The following PPP1R13B variants were observed in gnomAD, a reference collection of about 807,000 sequenced individuals.
PPP1R13B encodes the protein protein phosphatase 1 regulatory subunit 13B.
A neutral mutation model predicts 119.8 loss-of-function variants in PPP1R13B; 44 were observed. The ratio of observed to expected loss-of-function variants is 0.37; its 90% CI spans 0.29 to 0.47. The LOEUF (loss-of-function observed/expected upper bound fraction) is 0.47, where lower values mean the gene tolerates loss of function less well. PPP1R13B is among the 20% of genes least tolerant of loss of function. PPP1R13B has a pLI of 0.99. For synonymous variants in PPP1R13B, 542 were observed against 561.5 expected (o/e 0.97, Z 0.49); for missense variants, 1,227 against 1,413.5 (o/e 0.87, Z 2.12).
chr14:103,784,826 G>C lies in PPP1R13B; in HGVS notation c.246C>G (p.His82Gln). Residue 82 changes from histidine to glutamine, a missense_variant, in exon 3 of 17, where the codon CAC becomes CAG. By Grantham distance (24) the His-to-Gln change is conservative (BLOSUM62 0). Coordinates refer to ENST00000202556, the MANE Select transcript of PPP1R13B (RefSeq NM_015316.3). ...CACTGTTCTCAGTTGGGGAGTCCTCGTGTCGAAGGAAAAATTTCACTTCTT... is the reference window on the plus strand; with the variant it reads ...CACTGTTCTCAGTTGGGGAGTCCTCCTGTCGAAGGAAAAATTTCACTTCTT... The part of the protein sequence containing the change: ...RREEVKFFLR[H>Q]EDSPTENSEQ... The C allele has an allele frequency of 6.2e-7, 1 of 1,609,272 alleles. No homozygotes were observed. The highest frequency in any genetic ancestry group is 8.5e-7 in the Non-Finnish European group (1 of 1,176,440).
chr14:103,827,579 T>A (rs957444998), intron 1 of PPP1R13B, among the ~76,000 whole-genome samples: 9 of 150,510 alleles, frequency 6.0e-5, no homozygotes, highest in African/African-American at 2.2e-4. Flanking sequence ...ACTATAGATC[T>A]ATAGTGTGAT....
intron 2 of PPP1R13B, among the ~76,000 whole-genome samples, chr14:103,795,233 C>G (rs576846721): frequency 6.6e-6 from 1 of 152,124 alleles, no homozygotes; most frequent in Non-Finnish European, 1.5e-5. Context: ...CCACCGTGCC[C>G]GACCTGTATC....
chr14:103,770,617 T>C (rs914975331), intron 4 of PPP1R13B, among the ~76,000 whole-genome samples: 1 of 151,520 alleles, frequency 6.6e-6, no homozygotes, highest in Admixed American at 6.6e-5. Context: ...GGCAGGAAAA[T>C]GGGCTATCAA....
At chr14:103,786,997 C>G (rs1457025236) in intron 2 of PPP1R13B, among the ~76,000 whole-genome samples, 2 of 150,578 alleles carry the variant, frequency 1.3e-5, no homozygotes, top group African/African-American at 5.0e-5. Flanking sequence ...CGTGAGCCAC[C>G]ATGCCTGGCC....
At position 103,734,234 on chromosome 14, in the gene PPP1R13B, C is replaced by G. The variant is rs1187580625; in HGVS notation, c.*920G>C. 1.8e-5 allele frequency: 5 copies of G among 281,720 alleles called. No individual in the cohort carries two copies. The East Asian group carries it at 3.2e-4, about 18-fold the overall frequency. 17.5% of individuals were successfully genotyped at this position (281,720 alleles called of 1,614,324 possible). ...CCCAGCTGCTGCTCCTTGGTGGCGG[C>G]CCCTCCTGACACCAGGCGTCTGCCA... On this transcript the variant is annotated 3_prime_UTR_variant, in exon 17 of 17. Coordinates refer to ENST00000202556, the MANE Select transcript of PPP1R13B (RefSeq NM_015316.3).
chr14:103,839,815 A>G (rs778990653), intron 1 of PPP1R13B, among the ~76,000 whole-genome samples: 33 of 152,098 alleles, frequency 2.2e-4, no homozygotes, highest in African/African-American at 2.9e-4. Flanking sequence ...CTCCTACCAC[A>G]TGGCGTTTGC....
intron 2 of PPP1R13B, 53 bp from the exon 3 acceptor site, chr14:103,784,967 A>G: frequency 6.8e-7 from 1 of 1,469,930 alleles, no homozygotes; most frequent in Non-Finnish European, 9.2e-7. Flanking sequence ...ACTCCAACCA[A>G]AAGTAAATTT....
intron 1 of PPP1R13B, among the ~76,000 whole-genome samples, chr14:103,800,362 T>A (rs1337301498): frequency 6.6e-6 from 1 of 151,884 alleles, no homozygotes; most frequent in Non-Finnish European, 1.5e-5. Context: ...TTGTTAAGAT[T>A]TTTTTTTCAT....
chr14:103,808,621 T>C (rs1445788967), intron 1 of PPP1R13B, among the ~76,000 whole-genome samples: 1 of 151,840 alleles, frequency 6.6e-6, no homozygotes, highest in Non-Finnish European at 1.5e-5. Context: ...GTAACGGGGG[T>C]GAGTTCAGCA....
intron 4 of PPP1R13B, among the ~76,000 whole-genome samples, chr14:103,769,921 C>G (rs1274535705): frequency 6.6e-6 from 1 of 152,104 alleles, no homozygotes; most frequent in East Asian, 1.9e-4. Context: ...AATTCTGAAG[C>G]CAGAATATTT....
rs2084204122 is a variant in PPP1R13B at position 103,739,754 on chromosome 14, A to G, written c.2592+70T>C. ...GCTCCCAGCACAGCCTGACCAAGGG[A>G]AGGACCCCAGAGGTCCTGGTTGCAT... On this transcript the variant is annotated intron_variant, in intron 12 of 16. Coordinates refer to ENST00000202556, the MANE Select transcript of PPP1R13B (RefSeq NM_015316.3). 4 of 1,473,186 alleles carry G rather than the reference A, an allele frequency of 2.7e-6. No homozygotes were observed. In the South Asian group the frequency reaches 5.5e-5, roughly 20 times the overall value. 91.3% of individuals were successfully genotyped at this position (1,473,186 alleles called of 1,614,324 possible). A position where few individuals can be genotyped will look rare whatever the true frequency, so the allele number is the denominator to read the frequency against.
intron 4 of PPP1R13B, among the ~76,000 whole-genome samples, chr14:103,758,337 A>T (rs2084725625): frequency 6.6e-6 from 1 of 152,230 alleles, no homozygotes; most frequent in Non-Finnish European, 1.5e-5. Flanking sequence ...TCTGTCAATG[A>T]TGCCCTGAAC....
chr14:103,776,332 A>G (rs1376354689), intron 4 of PPP1R13B, among the ~76,000 whole-genome samples: 1 of 152,210 alleles, frequency 6.6e-6, no homozygotes, highest in Non-Finnish European at 1.5e-5. Context: ...AGATTTAAGT[A>G]TATGAGGTAG....
intron 3 of PPP1R13B, among the ~76,000 whole-genome samples, chr14:103,779,259 CTTGCTCTGTTGCACT>C (rs2085283614): frequency 6.6e-6 from 1 of 151,982 alleles, no homozygotes; most frequent in Admixed American, 6.6e-5. Flanking sequence ...ACTGCACAAT[CTTGCTCTGTTGCACT>C]CCAGCCTGGG....
At chr14:103,838,917 C>A (rs1308441332) in intron 1 of PPP1R13B, among the ~76,000 whole-genome samples, 1 of 152,176 alleles carries the variant, frequency 6.6e-6, no homozygotes, top group Non-Finnish European at 1.5e-5. Flanking sequence ...CTCTTACCTG[C>A]TACAGTAAAG....
chr14:103,800,379 A>G (rs1045290428), intron 1 of PPP1R13B, among the ~76,000 whole-genome samples: 2 of 152,054 alleles, frequency 1.3e-5, no homozygotes, highest in Non-Finnish European at 2.9e-5. Flanking sequence ...TCATCCAGGC[A>G]CAGTGGCTTA....
intron 2 of PPP1R13B, among the ~76,000 whole-genome samples, chr14:103,785,707 T>C (rs1207709003): frequency 6.7e-6 from 1 of 149,876 alleles, no homozygotes; most frequent in Non-Finnish European, 1.5e-5. Context: ...AGACGGGGTT[T>C]TACCATGTTG....
chr14:103,818,630 C>T (rs932359122), intron 1 of PPP1R13B: 6 of 362,750 alleles, frequency 1.7e-5, no homozygotes, highest in Non-Finnish European at 2.3e-5. Context: ...CTGGGCTTCA[C>T]ATTTGGGCAA....
At position 103,815,178 on chromosome 14, in the gene PPP1R13B, C is replaced by T. The variant is rs143228231; in HGVS notation, c.10-17660G>A. On this transcript the variant is annotated intron_variant, in intron 1 of 16. Transcript: ENST00000202556. ...TAAGCCAAGTGAAAGAAGCCAGATA[C>T]AAAATGTTCACATATTATATGATTC... is the stretch of plus-strand genomic sequence containing the variant. Among the ~76,000 whole-genome samples, 24 of 152,226 alleles carry T rather than the reference C, an allele frequency of 1.6e-4. 1 individual carries two copies. Among genetic ancestry groups the T allele is most frequent in the African/African-American group, 5.8e-4 (24 of 41,532 alleles).
Sources: allele counts gnomAD v4.1 joint callset (sites outside exome capture counted in the v4.1 genomes callset), GRCh38; gene constraint gnomAD v4.1.1; transcripts MANE v1.5; gene names NCBI Gene and HGNC (gene_info 2026-07-23, HGNC 2026-07-21).